PPFIA4: variants seen among roughly 807,000 people sequenced by gnomAD.
PPFIA4 encodes the protein liprin-alpha-4.
A neutral mutation model predicts 145.7 loss-of-function variants in PPFIA4; 98 were observed. The observed-to-expected ratio is 0.67, with a 90% CI of 0.57 to 0.80. The LOEUF (loss-of-function observed/expected upper bound fraction) is 0.80, where lower values mean the gene tolerates loss of function less well. Ranked by LOEUF, PPFIA4 falls within the 30% of genes least tolerant of loss-of-function variation. The pLI is 0.00. For synonymous variants in PPFIA4, 628 were observed against 649.6 expected, an observed-to-expected ratio of 0.97 and a Z score of 0.51; for missense variants, 1,457 against 1,632.7, an observed-to-expected ratio of 0.89 and a Z score of 1.85.
rs1451084849 is a variant in PPFIA4, at chr1:203,076,753, C to T, written c.*363C>T. Reference sequence around the variant, plus strand: ...TGCAACCTCCACCAGGACCAGGATCCTGGGCCACAGGCTGGGATGGTCCTT... The same window carrying T: ...TGCAACCTCCACCAGGACCAGGATCTTGGGCCACAGGCTGGGATGGTCCTT... On this transcript the variant is annotated 3_prime_UTR_variant, in exon 30 of 30. Transcript: ENST00000295706. 6.6e-6 allele frequency: 2 copies of T among 303,932 alleles called. No homozygotes were observed. Among genetic ancestry groups the T allele is most frequent in the East Asian group, 7.4e-5 (1 of 13,578 alleles). The allele number at this position is 303,932 out of a possible 1,614,324, so 18.8% of individuals were successfully genotyped here.
chr1:203,051,740 G>C, intron 13 of PPFIA4, 29 bp from the exon 14 acceptor site: 1 of 1,589,500 alleles, frequency 6.3e-7, no homozygotes, highest in Non-Finnish European at 8.6e-7. Context: ...CTCAGGGCCT[G>C]TCTTTTCTCT....
At chr1:203,056,206 C>T (rs1011553456) in intron 17 of PPFIA4, 51 bp downstream of exon 17, 2 of 1,612,528 alleles carry the variant, frequency 1.2e-6, no homozygotes, top group South Asian at 1.1e-5. Flanking sequence ...GCTCCCATGC[C>T]CTTTCCTTTC....
chr1:203,042,475 T>C (rs1409741973), intron 2 of PPFIA4, among the ~76,000 whole-genome samples: 1 of 152,154 alleles, frequency 6.6e-6, no homozygotes, highest in East Asian at 1.9e-4. Flanking sequence ...ACTGGGCAGG[T>C]CTGCATACTC....
Position 203,051,790 on chromosome 1 carries a change from A to G in PPFIA4, c.1533A>G (p.Ala511=). 1 of 1,613,472 alleles carries G rather than the reference A, an allele frequency of 6.2e-7. No homozygotes were observed. Among genetic ancestry groups the G allele is most frequent in the Non-Finnish European group, 8.5e-7 (1 of 1,179,718 alleles). Residue 511 remains alanine, a synonymous_variant, in exon 14 of 30, where the codon GCA becomes GCG. Coordinates refer to ENST00000295706, the MANE Select transcript of PPFIA4 (RefSeq NM_001304331.2). The part of the protein sequence containing the change: ...VHSRSHMGSA[A]DVRFSLGTTT... ...CAAGGTCGCACATGGGCAGTGCAGC[A>G]GACGTGCGGTTCTCCCTGGGCACAA...
In PPFIA4 at chr1:203,075,665, C is replaced by A; in HGVS notation, c.3482C>A (p.Ala1161Asp). ...CACGGTCGCGGCGGCATGCTCAGCGCTTCCGCGGAGACCCTCCCGGCGGGC... is the reference window on the plus strand; with the variant it reads ...CACGGTCGCGGCGGCATGCTCAGCGATTCCGCGGAGACCCTCCCGGCGGGC... Reference protein sequence around the residue: ...EHHGRGGMLSASAETLPAGFR... With the variant: ...EHHGRGGMLSDSAETLPAGFR... Residue 1161 changes from alanine to aspartate, a missense_variant, in exon 29 of 30, where the codon GCT (alanine) becomes GAT (aspartate). Ala to Asp is a moderately radical substitution (Grantham distance 126). Coordinates refer to ENST00000295706, the MANE Select transcript of PPFIA4 (RefSeq NM_001304331.2). This position sits in a 1 kb window ranked among gnomAD's most constrained non-coding sequence, Gnocchi z 4.1. The A allele has an allele frequency of 6.6e-7, 1 of 1,507,788 alleles. No homozygotes were observed. The highest frequency in any genetic ancestry group is 8.9e-7 in the Non-Finnish European group (1 of 1,126,708). The allele number at this position is 1,507,788 out of a possible 1,614,324, so 93.4% of individuals were successfully genotyped here. A position where few individuals can be genotyped will look rare whatever the true frequency, so the allele number is the denominator to read the frequency against.
chr1:203,053,584 G>A (rs1660690623), intron 14 of PPFIA4, 169 bp from the exon 15 acceptor site: 1 of 623,964 alleles, frequency 1.6e-6, no homozygotes, highest in Non-Finnish European at 2.8e-6. Context: ...CAGGGGTCTT[G>A]TTAAAATGCA....
intron 14 of PPFIA4, 128 bp from the exon 15 acceptor site, chr1:203,053,625 C>T: frequency 1.3e-6 from 1 of 748,986 alleles, no homozygotes; most frequent in South Asian, 1.7e-5. Context: ...GGTGGTGCGG[C>T]CTGAGATTCT....
rs757529201 is a variant in PPFIA4, at chr1:203,076,356, T to G, written c.3590T>G (p.Leu1197Arg). Residue 1197 changes from leucine to arginine, a missense_variant, in exon 30 of 30, where the codon CTC (leucine) becomes CGC (arginine). By Grantham distance (102) the Leu-to-Arg change is moderately radical. Coordinates refer to ENST00000295706, the MANE Select transcript of PPFIA4 (RefSeq NM_001304331.2). ...KIMPEAHSHY[L>R]YGHMLSAFRD ...TCTCCCTCAGCTCACTCCCACTATC[T>G]CTACGGACACATGCTCTCCGCCTTC... 6.2e-7 allele frequency: 1 copy of G among 1,607,198 alleles called. No individual in the cohort carries two copies. The highest frequency in any genetic ancestry group is 8.5e-7 in the Non-Finnish European group (1 of 1,179,832).
chr1:203,060,519 C>A lies in PPFIA4; in HGVS notation c.2784+102C>A. 8.5e-7 allele frequency: 1 copy of A among 1,175,702 alleles called. No individual in the cohort carries two copies. Among genetic ancestry groups the A allele is most frequent in the Non-Finnish European group, 1.2e-6 (1 of 814,446 alleles). The allele number at this position is 1,175,702 out of a possible 1,614,324, so 72.8% of individuals were successfully genotyped here. A position where few individuals can be genotyped will look rare whatever the true frequency, so the allele number is the denominator to read the frequency against. On this transcript the variant is annotated intron_variant, in intron 22 of 29. Transcript: ENST00000295706. The surrounding 1 kb of genome is among the most constrained non-coding windows in gnomAD (Gnocchi z 4.8). ...GGGAAGATGGCAGCATTGAGCCCTGCCCCTTCCTTCCCATCCTCACAAAGG... is the reference window on the plus strand; with the variant it reads ...GGGAAGATGGCAGCATTGAGCCCTGACCCTTCCTTCCCATCCTCACAAAGG...
At chr1:203,066,601 A>T (rs1384243459) in intron 25 of PPFIA4, among the ~76,000 whole-genome samples, 1 of 152,158 alleles carries the variant, frequency 6.6e-6, no homozygotes, top group Non-Finnish European at 1.5e-5. Context: ...AGGCTCAGTG[A>T]CTACTCTGAA....
In PPFIA4 at chr1:203,054,055, T is replaced by C. The variant is rs767609310; in HGVS notation, c.1829+94T>C. 6.7e-6 allele frequency: 9 copies of C among 1,339,778 alleles called. No individual in the cohort carries two copies. The African/African-American group carries it at 7.2e-5, about 11-fold the overall frequency. 83.0% of individuals were successfully genotyped at this position (1,339,778 alleles called of 1,614,324 possible). A position where few individuals can be genotyped will look rare whatever the true frequency, so the allele number is the denominator to read the frequency against. ...CCTATATGGGTTTGCCCAACTCTTA[T>C]AGCTGCAACTTAGAGTACCACAGTT... On this transcript the variant is annotated intron_variant, in intron 15 of 29. Transcript: ENST00000295706.
Position 203,055,473 on chromosome 1 carries a change from A to G in PPFIA4, c.1871A>G (p.Glu624Gly), listed in dbSNP as rs1264804379. Residue 624 changes from glutamate (E) to glycine (G), a missense_variant, in exon 16 of 30, where the codon GAG (glutamate) becomes GGG (glycine). Coordinates refer to ENST00000295706, the MANE Select transcript of PPFIA4 (RefSeq NM_001304331.2). The surrounding 1 kb of genome is among the most constrained non-coding windows in gnomAD (Gnocchi z 4.8). The part of the protein sequence containing the change: ...EEKESTELRA[E>G]EIETRVTSGS... ...AAGGAGTCCACGGAGCTCCGCGCGGAGGAGATTGAGACGCGTGTAACCAGT... is the reference window on the plus strand; with the variant it reads ...AAGGAGTCCACGGAGCTCCGCGCGGGGGAGATTGAGACGCGTGTAACCAGT... 6.2e-7 allele frequency: 1 copy of G among 1,613,934 alleles called. No individual in the cohort carries two copies. Among genetic ancestry groups the G allele is most frequent in the Non-Finnish European group, 8.5e-7 (1 of 1,179,872 alleles).
rs1381612039 is a variant in PPFIA4 at position 203,032,423 on chromosome 1, C to G, written c.-400+5794C>G. 8.2e-5 allele frequency among the ~76,000 whole-genome samples: 4 copies of G among 48,612 alleles called. No homozygotes were observed. The Admixed American group carries it at 9.9e-4, about 12-fold the overall frequency. 31.9% of individuals were successfully genotyped at this position (48,612 alleles called of 152,430 possible). A position where few individuals can be genotyped will look rare whatever the true frequency, so the allele number is the denominator to read the frequency against. On this transcript the variant is annotated intron_variant, in intron 1 of 29. Transcript: ENST00000295706. Reference sequence around the variant, plus strand: ...CCAGAGGCTTGTAGTTCTCCCTTCCCCGCTTTTTTGTTGTTGTTGTTGTTT... The same window carrying G: ...CCAGAGGCTTGTAGTTCTCCCTTCCGCGCTTTTTTGTTGTTGTTGTTGTTT...
chr1:203,057,833 A>T (rs1661081976), intron 19 of PPFIA4, among the ~76,000 whole-genome samples: 1 of 152,216 alleles, frequency 6.6e-6, no homozygotes, highest in Admixed American at 6.5e-5. Context: ...CCTGAGCTAA[A>T]GTGTGAGGGC....
At position 203,075,918 on chromosome 1, in the gene PPFIA4, C is replaced by T; in HGVS notation, c.3574+161C>T. On this transcript the variant is annotated intron_variant, in intron 29 of 29. Coordinates refer to ENST00000295706, the MANE Select transcript of PPFIA4 (RefSeq NM_001304331.2). This position sits in a 1 kb window ranked among gnomAD's most constrained non-coding sequence, Gnocchi z 4.1. ...ACGCTCCGCGGGGAGCGTGTGTGCG[C>T]ACTAACCCGCCGCTCTGTGTGTTCT... 1.4e-6 allele frequency: 1 copy of T among 713,352 alleles called. No homozygotes were observed. The highest frequency in any genetic ancestry group is 2.1e-6 in the Non-Finnish European group (1 of 484,566). 44.2% of individuals were successfully genotyped at this position (713,352 alleles called of 1,614,324 possible). A position where few individuals can be genotyped will look rare whatever the true frequency, so the allele number is the denominator to read the frequency against.
chr1:203,067,938 G>T, intron 26 of PPFIA4, 146 bp downstream of exon 26: 1 of 679,166 alleles, frequency 1.5e-6, no homozygotes. Flanking sequence ...GGAGCTCCCA[G>T]TCTGATGGAG....
intron 27 of PPFIA4, among the ~76,000 whole-genome samples, chr1:203,069,097 A>G (rs1661949037): frequency 6.6e-6 from 1 of 152,042 alleles, no homozygotes; most frequent in African/African-American, 2.4e-5. Flanking sequence ...AGCTAAATAT[A>G]CCAAATTACA....
At chr1:203,028,044 G>A (rs181824756) in intron 1 of PPFIA4, among the ~76,000 whole-genome samples, 3 of 152,304 alleles carry the variant, frequency 2.0e-5, no homozygotes, top group African/African-American at 7.2e-5. Flanking sequence ...AGGCTTCGTG[G>A]GGTAAACGGT....
intron 1 of PPFIA4, among the ~76,000 whole-genome samples, chr1:203,033,555 T>C (rs923661223): frequency 6.6e-6 from 1 of 152,172 alleles, no homozygotes; most frequent in Non-Finnish European, 1.5e-5. Context: ...ACTGTTATCA[T>C]TCCCATTCAC....
Sources: allele counts gnomAD v4.1 joint callset (sites outside exome capture counted in the v4.1 genomes callset), GRCh38; gene constraint gnomAD v4.1.1; non-coding constraint Gnocchi (gnomAD v3.1); transcripts MANE v1.5; gene names NCBI Gene and HGNC (gene_info 2026-07-23, HGNC 2026-07-21).